ITIH4: variants seen among roughly 807,000 people sequenced by gnomAD.
ITIH4 encodes the protein inter-alpha-trypsin inhibitor heavy chain 4.
Under a neutral mutation model 111.8 loss-of-function variants are expected in ITIH4, and 79 were observed. That is an observed-to-expected ratio of 0.71 (90% CI 0.59 to 0.85). The LOEUF (loss-of-function observed/expected upper bound fraction) is 0.85, where lower values mean the gene tolerates loss of function less well. ITIH4 is among the 40% of genes least tolerant of loss of function. The pLI is 0.00. For synonymous variants in ITIH4, 472 were observed against 468.3 expected (o/e 1.01, Z -0.10); for missense variants, 1,065 against 1,195.8 (o/e 0.89, Z 1.61).
At chr3:52,816,733 G>T (rs901898127) in intron 21 of ITIH4, 151 bp downstream of exon 21, 3 of 747,954 alleles carry the variant, frequency 4.0e-6, no homozygotes, top group Non-Finnish European at 6.7e-6. Flanking sequence ...AGCTGCAGGG[G>T]TATATGGCAG....
Position 52,821,044 on chromosome 3 carries a change from G to C in ITIH4, c.1626C>G (p.Asn542Lys), listed in dbSNP as rs761459514. 6.2e-7 allele frequency: 1 copy of C among 1,614,150 alleles called. No homozygotes were observed. The highest frequency in any genetic ancestry group is 1.1e-5 in the South Asian group (1 of 91,074). ...EFQSPKYIFH[N>K]FMERLWAYLT... ...GGTATGCCCAGAGCCTCTCCATGAA[G>C]TTGTGGAAGATATACTTGGGGCTCT... The change falls in exon 12 of 24, where the codon AAC (asparagine) becomes AAG (lysine). Residue 542 changes from asparagine (N) to lysine (K), a missense_variant. Asn to Lys is a moderately conservative substitution (Grantham distance 94). Transcript: ENST00000266041.
intron 2 of ITIH4, 38 bp from the exon 3 acceptor site, chr3:52,827,235 G>A (rs1177409353): frequency 6.5e-7 from 1 of 1,533,790 alleles, no homozygotes; most frequent in Non-Finnish European, 9.0e-7. Flanking sequence ...AGAGCCTGGT[G>A]GCAGGGGCCC....
Position 52,824,732 on chromosome 3 carries a change from C to A in ITIH4, c.876+110G>T, listed in dbSNP as rs963146843. 5 of 1,240,494 alleles carry A rather than the reference C, an allele frequency of 4.0e-6. No homozygotes were observed. The highest frequency in any genetic ancestry group is 5.7e-6 in the Non-Finnish European group (5 of 877,834). 76.8% of individuals were successfully genotyped at this position (1,240,494 alleles called of 1,614,324 possible). On this transcript the variant is annotated intron_variant, in intron 7 of 23. Transcript: ENST00000266041. The surrounding 1 kb of genome is among the most constrained non-coding windows in gnomAD (Gnocchi z 4.3). ...CCAACCTTGGTTCCTGAGAGCCACC[C>A]GCCCCATGGTGCCGAAAGGTGAAGC...
chr3:52,823,501 G>A, intron 11 of ITIH4, 55 bp downstream of exon 11: 1 of 1,460,548 alleles, frequency 6.8e-7, no homozygotes, highest in South Asian at 1.3e-5. Flanking sequence ...CAGCCCCTCT[G>A]GCTGCAGAGG....
At chr3:52,820,526 T>G (rs927948309) in intron 13 of ITIH4, 105 bp downstream of exon 13, 8 of 1,388,924 alleles carry the variant, frequency 5.8e-6, no homozygotes, top group African/African-American at 1.4e-5. Context: ...GGGGAGTCTG[T>G]TGGGGGCACG....
At chr3:52,827,020 C>G (rs1007664736) in intron 3 of ITIH4, 67 bp from the exon 4 acceptor site, 1 of 1,611,972 alleles carries the variant, frequency 6.2e-7, no homozygotes, top group Admixed American at 1.7e-5. Context: ...GAGGTGGGAG[C>G]AGGACTAAGG....
Position 52,824,690 on chromosome 3 carries a change from G to T in ITIH4, c.877-125C>A. ...CATGGTATCTGCTCTAGGAACAGGGGCTGCCCTAGGCTCTGGCCAACCTTG... is the reference window on the plus strand; with the variant it reads ...CATGGTATCTGCTCTAGGAACAGGGTCTGCCCTAGGCTCTGGCCAACCTTG... On this transcript the variant is annotated intron_variant, in intron 7 of 23. Coordinates refer to ENST00000266041, the MANE Select transcript of ITIH4 (RefSeq NM_002218.5). The surrounding 1 kb of genome is among the most constrained non-coding windows in gnomAD (Gnocchi z 4.3). The T allele has an allele frequency of 7.8e-7, 1 of 1,276,010 alleles. No homozygotes were observed. The highest frequency in any genetic ancestry group is 1.1e-6 in the Non-Finnish European group (1 of 917,718). 79.0% of individuals were successfully genotyped at this position (1,276,010 alleles called of 1,614,324 possible). A position where few individuals can be genotyped will look rare whatever the true frequency, so the allele number is the denominator to read the frequency against.
intron 22 of ITIH4, 31 bp from the exon 23 acceptor site, chr3:52,814,102 C>CAG (rs777296608): frequency 2.4e-5 from 39 of 1,610,660 alleles, no homozygotes; most frequent in Non-Finnish European, 3.3e-5. Context: ...CAGTAAGGGT[C>CAG]AGAGACAGAG....
rs1303851197 is a variant in ITIH4, at chr3:52,819,406, G to A, written c.2064C>T (p.Arg688=). The A allele has an allele frequency of 6.2e-7, 1 of 1,613,942 alleles. No homozygotes were observed. The highest frequency in any genetic ancestry group is 2.2e-5 in the East Asian group (1 of 44,892). The change falls in exon 17 of 24, where the codon CGC becomes CGT. Residue 688 remains arginine, a synonymous_variant. Coordinates refer to ENST00000266041, the MANE Select transcript of ITIH4 (RefSeq NM_002218.5). ...VPDHAAYHPF[R]RLAILPASAP... ...AAGGCAGCTTACAGATGGCCAGACG[G>A]CGGAAGGGGTGGTAAGCAGCATGGT...
rs748677415 is a variant in ITIH4, at chr3:52,830,644, G to T, written c.-2C>A. The T allele has an allele frequency of 1.4e-5, 22 of 1,602,070 alleles. No individual in the cohort carries two copies. The highest frequency in any genetic ancestry group is 1.9e-5 in the Non-Finnish European group (22 of 1,171,840). ...ACGGACAGGCCTTGGGGGCTTCATC[G>T]TGGCTCCAGTGTCTGCCAGGAGGCT... On this transcript the variant is annotated 5_prime_UTR_variant, in exon 1 of 24. Coordinates refer to ENST00000266041, the MANE Select transcript of ITIH4 (RefSeq NM_002218.5).
Position 52,819,518 on chromosome 3 carries a change from G to C in ITIH4, c.1952C>G (p.Ala651Gly). The change falls in exon 17 of 24, where the codon GCT (alanine) becomes GGT (glycine). Residue 651 changes from alanine (A) to glycine (G), a missense_variant and splice_region_variant. Coordinates refer to ENST00000266041, the MANE Select transcript of ITIH4 (RefSeq NM_002218.5). ...FSPRRGWNRQ[A>G]GAAGSRMNFR... ...ATTCATCCGGGAGCCAGCAGCTCCAGCTTTGGAGAAATCGACAGATGCAGT... is the reference window on the plus strand; with the variant it reads ...ATTCATCCGGGAGCCAGCAGCTCCACCTTTGGAGAAATCGACAGATGCAGT... 1 of 1,614,128 alleles carries C rather than the reference G, an allele frequency of 6.2e-7. No individual in the cohort carries two copies. The highest frequency in any genetic ancestry group is 8.5e-7 in the Non-Finnish European group (1 of 1,180,004).
At chr3:52,813,644 C>A (rs1700227520) in intron 23 of ITIH4, among the ~76,000 whole-genome samples, 154 bp from the exon 24 acceptor site, 1 of 152,170 alleles carries the variant, frequency 6.6e-6, no homozygotes, top group Non-Finnish European at 1.5e-5. Context: ...GGCCCAGTCA[C>A]CCAGAGCATT....
Position 52,818,461 on chromosome 3 carries a change from C to T in ITIH4, c.2152+1G>A, listed in dbSNP as rs1272507876. 1.3e-6 allele frequency: 2 copies of T among 1,599,912 alleles called. No individual in the cohort carries two copies. Among genetic ancestry groups the T allele is most frequent in the African/African-American group, 1.3e-5 (1 of 74,668 alleles). On this transcript the variant is annotated splice_donor_variant, in intron 18 of 23. Coordinates refer to ENST00000266041, the MANE Select transcript of ITIH4 (RefSeq NM_002218.5). LOFTEE classifies it high-confidence loss of function. ...GACAGGGCCTCTGGCCTTGGGGGCA[C>T]CTTCGATTTTCATATTCATGACACG...
intron 23 of ITIH4, 84 bp downstream of exon 23, chr3:52,813,891 T>C (rs1700230917): frequency 1.9e-6 from 2 of 1,051,562 alleles, no homozygotes; most frequent in South Asian, 2.7e-5. Context: ...AGGACAGGAG[T>C]GGGGCCCTGG....
At chr3:52,826,450 G>C (rs1373998053) in intron 5 of ITIH4, 91 bp downstream of exon 5, 2 of 922,634 alleles carry the variant, frequency 2.2e-6, no homozygotes, top group Non-Finnish European at 3.6e-6. Flanking sequence ...AGGAGGGAGA[G>C]CCCATCCTGC....
chr3:52,824,128 A>G lies in ITIH4; in HGVS notation c.1171+62T>C. The G allele has an allele frequency of 2.5e-6, 4 of 1,593,844 alleles. No homozygotes were observed. The South Asian group carries it at 3.3e-5, about 13-fold the overall frequency. The stretch of plus-strand genomic sequence containing the variant: ...CCTGCCCAGATCCCACAGCAAGCCC[A>G]GGTGCAGCCCCAGCCGCCTCCCCTG... On this transcript the variant is annotated intron_variant, in intron 9 of 23. Coordinates refer to ENST00000266041, the MANE Select transcript of ITIH4 (RefSeq NM_002218.5). The surrounding 1 kb of genome is among the most constrained non-coding windows in gnomAD (Gnocchi z 4.3).
chr3:52,819,913 C>T (rs760453172), intron 15 of ITIH4, 27 bp downstream of exon 15: 4 of 1,611,944 alleles, frequency 2.5e-6, no homozygotes, highest in East Asian at 4.5e-5. Flanking sequence ...TGTCAATCTC[C>T]CCTCCCCCCA....
intron 21 of ITIH4, among the ~76,000 whole-genome samples, chr3:52,815,387 G>GTA (rs1430164559): frequency 6.6e-6 from 1 of 151,728 alleles, no homozygotes; most frequent in Non-Finnish European, 1.5e-5. Flanking sequence ...GGGATTACAG[G>GTA]CGTGCCACCA....
chr3:52,817,912 C>T lies in ITIH4; in HGVS notation c.2296+140G>A, dbSNP rs1700307789. On this transcript the variant is annotated intron_variant, in intron 20 of 23. Coordinates refer to ENST00000266041, the MANE Select transcript of ITIH4 (RefSeq NM_002218.5). ...TGTCTGTGTGAGTGTGTGCCCATGCCAGCACTGGGAGGCAGGACCATGCTA... is the reference window on the plus strand; with the variant it reads ...TGTCTGTGTGAGTGTGTGCCCATGCTAGCACTGGGAGGCAGGACCATGCTA... 3 of 742,226 alleles carry T rather than the reference C, an allele frequency of 4.0e-6. No homozygotes were observed. In the South Asian group the frequency reaches 4.7e-5, roughly 12 times the overall value. The allele number at this position is 742,226 out of a possible 1,614,324, so 46.0% of individuals were successfully genotyped here. A position where few individuals can be genotyped will look rare whatever the true frequency, so the allele number is the denominator to read the frequency against.
Sources: gnomAD v4.1 joint callset for allele counts (sites outside exome capture counted in the v4.1 genomes callset) on GRCh38, gnomAD v4.1.1 for gene constraint, Gnocchi (gnomAD v3.1) non-coding constraint, MANE v1.5 for transcripts, NCBI Gene and HGNC (gene_info 2026-07-23, HGNC 2026-07-21) for gene names.